The following PHF8 variants were observed in gnomAD, a reference collection of about 807,000 sequenced individuals.
PHF8 encodes histone lysine demethylase PHF8.
A neutral mutation model predicts 74.4 loss-of-function variants in PHF8; 9 were observed. The observed-to-expected ratio is 0.12, with a 90% CI of 0.07 to 0.21. PHF8 has a LOEUF of 0.21. PHF8 is among the 10% of genes least tolerant of loss of function. The pLI, the probability that PHF8 is intolerant of heterozygous loss-of-function variation, is 1.00. For synonymous variants in PHF8, 311 were observed against 316.6 expected (o/e 0.98, Z 0.19); for missense variants, 478 against 816.6 (o/e 0.59, Z 5.05).
At chrX:53,992,041 A>C (rs1298112120) in intron 14 of PHF8, among the ~76,000 whole-genome samples, 6 of 112,071 alleles carry the variant, frequency 5.4e-5, no homozygotes, top group Admixed American at 2.9e-4. Flanking sequence ...AAACCTCTTC[A>C]AAAAATACAA....
chrX:54,036,000 A>G (rs2066446510), intron 2 of PHF8, among the ~76,000 whole-genome samples: 1 of 108,220 alleles, frequency 9.2e-6, no homozygotes, highest in Admixed American at 9.9e-5. Context: ...AGTCCCAGCT[A>G]TTCAGGAGGC....
intron 6 of PHF8, 38 bp from the exon 7 acceptor site, chrX:54,014,601 T>A (rs782762678): frequency 2.8e-5 from 29 of 1,017,662 alleles, no homozygotes; most frequent in Non-Finnish European, 4.0e-5. Flanking sequence ...GTCAGCTGAT[T>A]AGGAAGAGAA....
rs2066075742 is a variant in PHF8, at chrX:54,016,629, G to A, written c.562C>T (p.Leu188Phe). ...GAGAATTCCAAACTAATGACATTGA[G>A]GACTTTCTCCCTCTTCCCGCTGTAA... ...YYYSGKREKVLNVISLEFSDT... is the reference protein window; with the variant it reads ...YYYSGKREKVFNVISLEFSDT... Residue 188 changes from leucine to phenylalanine, a missense_variant, in exon 6 of 22, where the codon CTC (leucine) becomes TTC (phenylalanine). Around this residue, in one of 9 missense-constraint regions of PHF8, gnomAD observed 70 missense variants for 234.1 expected, o/e 0.30. Coordinates refer to ENST00000338154, the MANE Select transcript of PHF8 (RefSeq NM_015107.3). 2 of 1,203,830 alleles carry A rather than the reference G, an allele frequency of 1.7e-6. No individual in the cohort carries two copies. The highest frequency in any genetic ancestry group is 2.3e-6 in the Non-Finnish European group (2 of 888,745).
In PHF8 at chrX:54,000,856, G is replaced by C. The variant is rs782442164; in HGVS notation, c.1142-895C>G. ...AGGAAACTCTCAGACTATCCAAATTGAACTTTTTATCTTAACCAGCAGGAA... is the reference window on the plus strand; with the variant it reads ...AGGAAACTCTCAGACTATCCAAATTCAACTTTTTATCTTAACCAGCAGGAA... On this transcript the variant is annotated intron_variant, in intron 10 of 21. Coordinates refer to ENST00000338154, the MANE Select transcript of PHF8 (RefSeq NM_015107.3). Among the ~76,000 whole-genome samples the C allele has an allele frequency of 2.7e-5, 3 of 112,739 alleles. No individual in the cohort carries two copies. The East Asian group carries it at 8.4e-4, about 32-fold the overall frequency.
intron 18 of PHF8, among the ~76,000 whole-genome samples, chrX:53,966,214 TCTCCCTCCTCTCCCTCTCCCCACGGTCTC>T (rs1330035360): frequency 5.4e-5 from 6 of 110,935 alleles, no homozygotes; most frequent in Non-Finnish European, 9.5e-5. Flanking sequence ...TCCCTCTCCC[TCTCCCTCCTCTCCCTCTCCCCACGGTCTC>T]CCTCTCCCTC....
rs782683237 is a variant in PHF8 at position 54,026,071 on chromosome X, T to A, written c.99-3228A>T. On this transcript the variant is annotated intron_variant, in intron 2 of 21. Transcript: ENST00000338154. ...AATTCACTGTCCAAAATATTTGGAT[T>A]GGCCAGGCACGGTGGCTCACGCCTG... Among the ~76,000 whole-genome samples, 8 of 111,633 alleles carry A rather than the reference T, an allele frequency of 7.2e-5. No individual in the cohort carries two copies. The South Asian group carries it at 3.0e-3, about 41-fold the overall frequency.
chrX:53,999,105 C>CA (rs1380522418), intron 11 of PHF8, among the ~76,000 whole-genome samples: 3 of 111,877 alleles, frequency 2.7e-5, no homozygotes, highest in Middle Eastern at 4.6e-3. Flanking sequence ...GATTCAAACA[C>CA]AAAACTGGAT....
intron 8 of PHF8, 31 bp downstream of exon 8, chrX:54,011,091 C>T: frequency 8.4e-7 from 1 of 1,190,993 alleles, no homozygotes; most frequent in South Asian, 1.8e-5. Context: ...CCACCCTCCC[C>T]AAACCCTCCC....
In PHF8 at chrX:53,940,528, G is replaced by A; in HGVS notation, c.2650-12C>T. The A allele has an allele frequency of 8.9e-7, 1 of 1,121,091 alleles. No individual in the cohort carries two copies. The highest frequency in any genetic ancestry group is 1.8e-5 in the African/African-American group (1 of 56,123). 92.4% of individuals were successfully genotyped at this position (1,121,091 alleles called of 1,213,427 possible). A position where few individuals can be genotyped will look rare whatever the true frequency, so the allele number is the denominator to read the frequency against. On this transcript the variant is annotated splice_polypyrimidine_tract_variant and intron_variant, in intron 20 of 21. Transcript: ENST00000338154. ...GCCTTCTGTAGCTCCTGAAACACAA[G>A]CCAAGTAGGAGGAGAGATTAAGGAG...
intron 11 of PHF8, among the ~76,000 whole-genome samples, chrX:53,998,040 T>C (rs1314321520): frequency 8.9e-6 from 1 of 112,374 alleles, no homozygotes; most frequent in Non-Finnish European, 1.9e-5. Context: ...CATTTCTTCT[T>C]CTCTTGATTT....
chrX:54,044,956 A>T (rs782051400), upstream of PHF8: 1 of 972,152 alleles, frequency 1.0e-6, no homozygotes, highest in South Asian at 2.1e-5. Context: ...CCCCCTGTGA[A>T]GGAAGCTCTG....
At chrX:54,012,916 G>A (rs2066003850) in intron 7 of PHF8, among the ~76,000 whole-genome samples, 1 of 104,146 alleles carries the variant, frequency 9.6e-6, no homozygotes, top group South Asian at 4.6e-4. Flanking sequence ...CTCCAGCCTG[G>A]GTGACAAAGT....
At chrX:53,988,611 C>CA (rs1175951164) in intron 14 of PHF8, among the ~76,000 whole-genome samples, 5 of 104,914 alleles carry the variant, frequency 4.8e-5, no homozygotes, top group Admixed American at 1.0e-4. Flanking sequence ...GATTTGTATC[C>CA]AAAAAAAAAT....
intron 2 of PHF8, among the ~76,000 whole-genome samples, chrX:54,024,301 T>G (rs912499356): frequency 1.8e-5 from 2 of 112,001 alleles, no homozygotes; most frequent in Non-Finnish European, 3.8e-5. Flanking sequence ...GCATAAAGTC[T>G]GATACACAGT....
intron 2 of PHF8, among the ~76,000 whole-genome samples, chrX:54,024,246 A>G (rs1195214857): frequency 3.6e-5 from 4 of 112,135 alleles, no homozygotes; most frequent in Non-Finnish European, 5.6e-5. Context: ...AACATAGGGT[A>G]ACCCCATCTC....
chrX:54,038,515 C>T (rs1167925891), intron 2 of PHF8, among the ~76,000 whole-genome samples: 3 of 111,962 alleles, frequency 2.7e-5, no homozygotes, highest in African/African-American at 9.7e-5. Flanking sequence ...GCATCCCTAA[C>T]TTGTGTTTCA....
At chrX:54,038,966 C>A (rs1347044207) in intron 2 of PHF8, among the ~76,000 whole-genome samples, 1 of 109,325 alleles carries the variant, frequency 9.1e-6, no homozygotes, top group African/African-American at 3.3e-5. Context: ...GAAACCCTGT[C>A]TCTACTAAAA....
intron 2 of PHF8, among the ~76,000 whole-genome samples, chrX:54,035,255 G>T (rs2066431988): frequency 9.3e-6 from 1 of 108,064 alleles, no homozygotes; most frequent in Non-Finnish European, 1.9e-5. Context: ...TACTCGGGAG[G>T]CTAAGGTGGG....
intron 8 of PHF8, among the ~76,000 whole-genome samples, chrX:54,002,932 T>C (rs2149853273): frequency 8.9e-6 from 1 of 111,792 alleles, no homozygotes; most frequent in African/African-American, 3.2e-5. Flanking sequence ...TTTTTCACCC[T>C]TATTCTCATG....
Sources: allele counts gnomAD v4.1 joint callset (sites outside exome capture counted in the v4.1 genomes callset), GRCh38; gene constraint gnomAD v4.1.1; regional missense constraint gnomAD v4.1.1; transcripts MANE v1.5; gene names NCBI Gene and HGNC (gene_info 2026-07-23, HGNC 2026-07-21).